Variants in AFAP1 observed in about 807,000 individuals in gnomAD.
The protein encoded by AFAP1 is actin filament associated protein 1.
Under a neutral mutation model 93.9 loss-of-function variants are expected in AFAP1, and 75 were observed. That is an observed-to-expected ratio of 0.80 (90% CI 0.66 to 0.97). AFAP1 has a LOEUF of 0.97. AFAP1 is among the 50% of genes least tolerant of loss of function. The probability of loss-of-function intolerance (pLI) is 0.00; values close to 1 mark genes in which losing one functional copy is unlikely to be tolerated. For missense variants in AFAP1, 1,201 were observed against 1,050.8 expected (o/e 1.14, Z -1.98); for synonymous variants, 517 against 430.7 (o/e 1.20, Z -2.48).
chr4:7,914,413 T>C (rs1719948584), intron 1 of AFAP1, among the ~76,000 whole-genome samples: 1 of 152,176 alleles, frequency 6.6e-6, no homozygotes, highest in Non-Finnish European at 1.5e-5. Context: ...TAACTTTCTG[T>C]CCCTGGCTTA....
In AFAP1 at chr4:7,868,615, G is replaced by C; in HGVS notation, c.225+7C>G. ...ATGACCACTGAGATGGTGGGACCTT[G>C]ACTCACCAGCCAGGGCTGAGGGATC... On this transcript the variant is annotated splice_region_variant and intron_variant, in intron 3 of 17. Transcript: ENST00000420658. The C allele has an allele frequency of 6.2e-7, 1 of 1,610,392 alleles. No individual in the cohort carries two copies.
At chr4:7,809,169 C>T (rs1371084137) in intron 9 of AFAP1, among the ~76,000 whole-genome samples, 1 of 151,916 alleles carries the variant, frequency 6.6e-6, no homozygotes, top group Non-Finnish European at 1.5e-5. Flanking sequence ...ATTAACTCAT[C>T]ATTTAGCATT....
At chr4:7,796,006 C>T (rs910238217) in intron 10 of AFAP1, among the ~76,000 whole-genome samples, 1 of 151,980 alleles carries the variant, frequency 6.6e-6, no homozygotes, top group Non-Finnish European at 1.5e-5. Context: ...TATGCATGTA[C>T]GTGTATATAT....
chr4:7,818,985 T>A, intron 7 of AFAP1, 91 bp downstream of exon 7: 1 of 1,235,398 alleles, frequency 8.1e-7, no homozygotes, highest in Non-Finnish European at 1.1e-6. Flanking sequence ...CTGGAAGCGC[T>A]GAAATTCTCA....
At chr4:7,791,421 G>A (rs1038320689) in intron 11 of AFAP1, among the ~76,000 whole-genome samples, 1 of 152,138 alleles carries the variant, frequency 6.6e-6, no homozygotes, top group Non-Finnish European at 1.5e-5. Context: ...AGGCAGCAGA[G>A]GTACTAACAG....
intron 1 of AFAP1, among the ~76,000 whole-genome samples, chr4:7,934,265 C>G (rs1215685706): frequency 2.0e-5 from 3 of 152,150 alleles, no homozygotes; most frequent in Non-Finnish European, 4.4e-5. Flanking sequence ...CCAGACTAAC[C>G]CGGCTCCAGA....
At chr4:7,769,113 GGCAAAAATAACAGCAGTAGCA>G (rs1334591756) in intron 16 of AFAP1, 105 bp from the exon 17 acceptor site, 52 of 1,419,260 alleles carry the variant, frequency 3.7e-5, no homozygotes, top group Non-Finnish European at 4.9e-5. Context: ...TTTGGAAATG[GGCAAAAATAACAGCAGTAGCA>G]GCAAGGACTG....
chr4:7,934,126 G>T (rs1721251340), intron 1 of AFAP1, among the ~76,000 whole-genome samples: 1 of 152,146 alleles, frequency 6.6e-6, no homozygotes, highest in Non-Finnish European at 1.5e-5. Context: ...CAGATACAGT[G>T]AATTATAAAT....
intron 1 of AFAP1, among the ~76,000 whole-genome samples, chr4:7,936,111 G>A (rs1263987116): frequency 6.6e-6 from 1 of 152,092 alleles, no homozygotes; most frequent in Non-Finnish European, 1.5e-5. Flanking sequence ...AAATCCTACT[G>A]AGTGAAGCAA....
intron 1 of AFAP1, among the ~76,000 whole-genome samples, chr4:7,910,570 A>T (rs538284677): frequency 3.3e-5 from 5 of 152,258 alleles, no homozygotes; most frequent in African/African-American, 1.2e-4. Context: ...GTGGGGCAAC[A>T]GACTACACTC....
At position 7,932,080 on chromosome 4, in the gene AFAP1, G is replaced by A. The variant is rs574876650; in HGVS notation, c.-3+7576C>T. ...GTTTCACCATAACCAGGATGGTCTC[G>A]ATCTCCTGACCTCGTGATCCACCCT... On this transcript the variant is annotated intron_variant, in intron 1 of 17. Coordinates refer to ENST00000420658, the MANE Select transcript of AFAP1 (RefSeq NM_001134647.2). Among the ~76,000 whole-genome samples, 18 of 151,832 alleles carry A rather than the reference G, an allele frequency of 1.2e-4. No homozygotes were observed. The South Asian group carries it at 3.7e-3, about 32-fold the overall frequency.
At chr4:7,918,966 T>TGGCCCAGGTCACCA in intron 1 of AFAP1, among the ~76,000 whole-genome samples, 1 of 35,974 alleles carries the variant, frequency 2.8e-5, no homozygotes, top group African/African-American at 1.7e-4. Flanking sequence ...ACAGGGCTGT[T>TGGCCCAGGTCACCA]GGAAGAGACA....
At chr4:7,876,786 A>T (rs554892053) in intron 1 of AFAP1, among the ~76,000 whole-genome samples, 1 of 152,350 alleles carries the variant, frequency 6.6e-6, no homozygotes, top group African/African-American at 2.4e-5. Flanking sequence ...TGTTCACCTG[A>T]AACTGTAACC....
intron 17 of AFAP1, among the ~76,000 whole-genome samples, chr4:7,766,043 A>G (rs1224366506): frequency 6.6e-6 from 1 of 152,222 alleles, no homozygotes; most frequent in Non-Finnish European, 1.5e-5. Flanking sequence ...GCTGCATACA[A>G]TGAACAATTT....
chr4:7,873,423 A>G (rs1346586100), intron 1 of AFAP1, among the ~76,000 whole-genome samples: 6 of 115,622 alleles, frequency 5.2e-5, no homozygotes, highest in Admixed American at 2.6e-4. Flanking sequence ...ATCTGGGCTC[A>G]CTGAAAGCTC....
intron 8 of AFAP1, among the ~76,000 whole-genome samples, chr4:7,813,433 G>C (rs1262258634): frequency 6.6e-6 from 1 of 152,200 alleles, no homozygotes; most frequent in Non-Finnish European, 1.5e-5. Context: ...CTTGTTAAGA[G>C]GAAACAGGAG....
At chr4:7,808,789 T>C (rs2149048674) in intron 9 of AFAP1, among the ~76,000 whole-genome samples, 1 of 152,252 alleles carries the variant, frequency 6.6e-6, no homozygotes, top group South Asian at 2.1e-4. Flanking sequence ...CTGTGGTTCC[T>C]GCGAGATCTG....
chr4:7,864,164 C>CACCTTCCCAACTTCCCATCACAAACCATT (rs1314891559), intron 3 of AFAP1, among the ~76,000 whole-genome samples: 2 of 151,914 alleles, frequency 1.3e-5, no homozygotes, highest in Non-Finnish European at 1.5e-5. Flanking sequence ...CTCATCACAA[C>CACCTTCCCAACTTCCCATCACAAACCATT]CCACAGGTCC....
At chr4:7,880,957 A>T (rs2149196323) in intron 1 of AFAP1, among the ~76,000 whole-genome samples, 1 of 152,218 alleles carries the variant, frequency 6.6e-6, no homozygotes, top group South Asian at 2.1e-4. Context: ...TGATGTGCAA[A>T]ACACCTATTG....
Sources: allele counts gnomAD v4.1 joint callset (sites outside exome capture counted in the v4.1 genomes callset), GRCh38; gene constraint gnomAD v4.1.1; transcripts MANE v1.5; gene names NCBI Gene and HGNC (gene_info 2026-07-23, HGNC 2026-07-21).